The following RANBP1 variants were observed in gnomAD, a reference collection of about 807,000 sequenced individuals.
RANBP1 encodes the protein RAN binding protein 1.
A neutral mutation model predicts 31.4 loss-of-function variants in RANBP1; 16 were observed. The ratio of observed to expected loss-of-function variants is 0.51; its 90% CI spans 0.34 to 0.77. The LOEUF is 0.77. RANBP1 is among the 30% of genes least tolerant of loss of function. RANBP1 has a pLI of 0.01. For missense variants in RANBP1, 265 were observed against 362.0 expected (o/e 0.73, Z 2.17); for synonymous variants, 129 against 140.5 (o/e 0.92, Z 0.58).
rs889898000 is a variant in RANBP1 at position 20,125,191 on chromosome 22, C to G, written c.542-117C>G. On this transcript the variant is annotated intron_variant, in intron 3 of 5. Coordinates refer to ENST00000430524, the MANE Select transcript of RANBP1 (RefSeq NM_001278639.2). The stretch of plus-strand genomic sequence containing the variant: ...CCTGGTTCTCCAACCCCAGACTGTC[C>G]CCGTGTTGTCTGAAGCAGACCCCTC... 2.6e-4 allele frequency: 299 copies of G among 1,168,458 alleles called. No individual in the cohort carries two copies. In the Middle Eastern group the frequency reaches 3.1e-3, roughly 12 times the overall value. The allele number at this position is 1,168,458 out of a possible 1,614,324, so 72.4% of individuals were successfully genotyped here.
chr22:20,125,034 C>T (rs2050265794), intron 3 of RANBP1: 2 of 429,312 alleles, frequency 4.7e-6, no homozygotes, highest in Admixed American at 3.8e-5. Context: ...CTCAGGAGCT[C>T]CTCGTGGAGA....
rs2050116659 is a variant in RANBP1 at position 20,118,999 on chromosome 22, T to C, written c.247-14T>C. On this transcript the variant is annotated splice_polypyrimidine_tract_variant and intron_variant, in intron 1 of 5. Transcript: ENST00000430524. ...TCCATAGGCCAGCAGTGTAACCTCT[T>C]TGTATCTCCACAGGACACTCATGAG... 2 of 1,610,464 alleles carry C rather than the reference T, an allele frequency of 1.2e-6. No homozygotes were observed. The highest frequency in any genetic ancestry group is 1.7e-6 in the Non-Finnish European group (2 of 1,179,332).
intron 3 of RANBP1, chr22:20,124,843 CT>C (rs1210778821): frequency 2.2e-5 from 4 of 181,634 alleles, no homozygotes; most frequent in African/African-American, 9.6e-5. Context: ...ACTGGGCCCC[CT>C]GGGCCTTGTG....
At chr22:20,121,140 A>C (rs889346061) in intron 2 of RANBP1, among the ~76,000 whole-genome samples, 15 of 151,924 alleles carry the variant, frequency 9.9e-5, no homozygotes, top group Non-Finnish European at 5.9e-5. Context: ...TTTTTAGTAG[A>C]GATGGGGTTT....
chr22:20,117,628 C>T, intron 1 of RANBP1: 2 of 1,220,456 alleles, frequency 1.6e-6, no homozygotes, highest in Non-Finnish European at 1.0e-6. Context: ...CCCAGCCGAG[C>T]CGCCGCCGCC....
chr22:20,119,197 A>G, intron 2 of RANBP1, 48 bp downstream of exon 2: 1 of 1,577,392 alleles, frequency 6.3e-7, no homozygotes, highest in Non-Finnish European at 8.7e-7. Context: ...GGTTGAGGTT[A>G]CAACTTTTAT....
intron 4 of RANBP1, 77 bp downstream of exon 4, chr22:20,125,513 TG>T: frequency 6.5e-7 from 1 of 1,549,086 alleles, no homozygotes; most frequent in East Asian, 2.4e-5. Flanking sequence ...GTGCAACAAA[TG>T]CTGTTGCCTT....
chr22:20,125,398 A>C lies in RANBP1; in HGVS notation c.632A>C (p.Lys211Thr), dbSNP rs1392358264. 1 of 1,610,806 alleles carries C rather than the reference A, an allele frequency of 6.2e-7. No individual in the cohort carries two copies. Among genetic ancestry groups the C allele is most frequent in the Non-Finnish European group, 8.5e-7 (1 of 1,179,246 alleles). ...GCTGACTTCGCCGACGAGTGCCCCA[A>C]GCCAGAGCTGCTGGCCATCCGCTTC... ...THADFADECPKPELLAIRFLN... is the reference protein window; with the variant it reads ...THADFADECPTPELLAIRFLN... Residue 211 changes from lysine to threonine, a missense_variant, in exon 4 of 6, where the codon AAG becomes ACG. Lys to Thr is a moderately conservative substitution (Grantham distance 78). This residue lies in a region of RANBP1 where 90 missense variants were observed against 190.5 expected (regional missense o/e 0.47). Coordinates refer to ENST00000430524, the MANE Select transcript of RANBP1 (RefSeq NM_001278639.2).
intron 3 of RANBP1, 186 bp from the exon 4 acceptor site, chr22:20,125,120 CAA>C: frequency 1.6e-6 from 1 of 630,636 alleles, no homozygotes; most frequent in South Asian, 2.0e-5. Context: ...GGAGGATTTT[CAA>C]AGAGGTTTGA....
At chr22:20,123,531 AAG>A (rs1365202939) in intron 3 of RANBP1, among the ~76,000 whole-genome samples, 1 of 151,242 alleles carries the variant, frequency 6.6e-6, no homozygotes, top group Non-Finnish European at 1.5e-5. Context: ...CGGGCAGTGT[AAG>A]AGCAGATGTG....
chr22:20,117,861 GTGCAGGCTCTGCAGAGGCCTGGGGGC>G, intron 1 of RANBP1: 1 of 1,019,150 alleles, frequency 9.8e-7, no homozygotes, highest in Admixed American at 5.7e-5. Context: ...GCGTTTGGGG[GTGCAGGCTCTGCAGAGGCCTGGGGGC>G]TGCAGGGCCC....
chr22:20,118,282 T>C (rs2050092495), intron 1 of RANBP1: 1 of 1,002,352 alleles, frequency 1.0e-6, no homozygotes, highest in Non-Finnish European at 1.2e-6. Flanking sequence ...TGGTGAAGTC[T>C]TGGGTCTCTT....
rs982110684 is a variant in RANBP1 at position 20,117,235 on chromosome 22, C to T, written c.246+805C>T. 3 of 533,608 alleles carry T rather than the reference C, an allele frequency of 5.6e-6. No homozygotes were observed. The African/African-American group carries it at 6.1e-5, about 11-fold the overall frequency. 33.1% of individuals were successfully genotyped at this position (533,608 alleles called of 1,614,324 possible). On this transcript the variant is annotated intron_variant, in intron 1 of 5. Coordinates refer to ENST00000430524, the MANE Select transcript of RANBP1 (RefSeq NM_001278639.2). ...AGGCCGAGCGTCTCTATGATCCTGGCTTCTGGCAACGTCATCGTCACGCGC... is the reference window on the plus strand; with the variant it reads ...AGGCCGAGCGTCTCTATGATCCTGGTTTCTGGCAACGTCATCGTCACGCGC...
At chr22:20,117,452 T>C in intron 1 of RANBP1, 1 of 1,192,310 alleles carries the variant, frequency 8.4e-7, no homozygotes, top group Non-Finnish European at 1.0e-6. Flanking sequence ...CCAATAAAGC[T>C]GTACTGGTTT....
chr22:20,123,390 T>C (rs1435417486), intron 3 of RANBP1, among the ~76,000 whole-genome samples: 2 of 64,526 alleles, frequency 3.1e-5, no homozygotes. Flanking sequence ...TCTGGGGGTG[T>C]TGGGGTGTGT....
At chr22:20,116,608 G>C (rs770834451) in intron 1 of RANBP1, 178 bp downstream of exon 1, 1 of 1,536,980 alleles carries the variant, frequency 6.5e-7, no homozygotes, top group Non-Finnish European at 8.7e-7. Context: ...CATGGGCTTC[G>C]GGCCCTGTGT....
At chr22:20,117,578 C>T in intron 1 of RANBP1, 1 of 1,406,032 alleles carries the variant, frequency 7.1e-7, no homozygotes, top group Non-Finnish European at 9.3e-7. Context: ...GAAGGAGCTA[C>T]GAGTAGCCGC....
intron 1 of RANBP1, chr22:20,116,823 A>G: frequency 3.9e-5 from 50 of 1,293,892 alleles, no homozygotes; most frequent in East Asian, 5.2e-5. Flanking sequence ...AGGTTTCCTG[A>G]CCCACCCCGC....
chr22:20,117,912 G>T, intron 1 of RANBP1: 10 of 1,017,022 alleles, frequency 9.8e-6, no homozygotes, highest in Non-Finnish European at 1.2e-5. Flanking sequence ...GTGACCTTGG[G>T]GTGGGTTGGG....
Sources: allele counts gnomAD v4.1 joint callset (sites outside exome capture counted in the v4.1 genomes callset), GRCh38; gene constraint gnomAD v4.1.1; regional missense constraint gnomAD v4.1.1; transcripts MANE v1.5; gene names NCBI Gene and HGNC (gene_info 2026-07-23, HGNC 2026-07-21).